Variants in GIPR observed in about 807,000 individuals in gnomAD.
The protein encoded by GIPR is GIP-R.
In GIPR, 74 loss-of-function variants were observed where a neutral mutation model predicts 62.2. That is an observed-to-expected ratio of 1.19 (90% confidence interval 0.99 to 1.44). The LOEUF (loss-of-function observed/expected upper bound fraction) is 1.44, where lower values mean the gene tolerates loss of function less well. Ranked by LOEUF, GIPR falls within the 40% of genes most tolerant of loss-of-function variation. The probability of loss-of-function intolerance (pLI) is 0.00; values close to 1 mark genes in which losing one functional copy is unlikely to be tolerated. For missense variants in GIPR, 664 were observed against 611.8 expected (o/e 1.09, Z -0.90); for synonymous variants, 256 against 262.2 (o/e 0.98, Z 0.23).
At chr19:45,674,652 G>T (rs776197214) in intron 6 of GIPR, 30 bp from the exon 7 acceptor site, 2 of 1,611,942 alleles carry the variant, frequency 1.2e-6, no homozygotes, top group Non-Finnish European at 1.7e-6. Context: ...CTCTCCAGGG[G>T]CCCCCACACT....
Position 45,674,713 on chromosome 19 carries a change from A to G in GIPR, c.520A>G (p.Ile174Val). The G allele has an allele frequency of 6.2e-7, 1 of 1,613,936 alleles. No individual in the cohort carries two copies. Among genetic ancestry groups the G allele is most frequent in the South Asian group, 1.1e-5 (1 of 91,062 alleles). ...RLHCTRNYIH[I>V]NLFTSFMLRA... ...ACATTGCACTAGAAACTATATCCAC[A>G]TCAACCTGTTCACGTCTTTCATGCT... The change falls in exon 7 of 14, where the codon ATC becomes GTC. Residue 174 changes from isoleucine to valine, a missense_variant. Coordinates refer to ENST00000590918, the MANE Select transcript of GIPR (RefSeq NM_000164.4).
chr19:45,669,186 G>C (rs2146060352), intron 1 of GIPR, among the ~76,000 whole-genome samples: 1 of 152,172 alleles, frequency 6.6e-6, no homozygotes, highest in South Asian at 2.1e-4. Context: ...GCAACCGCCC[G>C]CTCAGCAAAC....
rs769652113 is a variant in GIPR at position 45,678,007 on chromosome 19, G to T, written c.1013+13G>T. ...ATTACCGGCTGAGGTGAGGGCATGC[G>T]TTGGGGACCGAGGGGAAGGGGCCGG... On this transcript the variant is annotated intron_variant, in intron 11 of 13. Coordinates refer to ENST00000590918, the MANE Select transcript of GIPR (RefSeq NM_000164.4). The T allele has an allele frequency of 3.1e-6, 5 of 1,613,066 alleles. No individual in the cohort carries two copies. The highest frequency in any genetic ancestry group is 1.7e-6 in the Non-Finnish European group (2 of 1,180,000).
At position 45,671,860 on chromosome 19, in the gene GIPR, G is replaced by A. The variant is rs376345212; in HGVS notation, c.280+468G>A. Among the ~76,000 whole-genome samples, 37 of 151,762 alleles carry A rather than the reference G, an allele frequency of 2.4e-4. No homozygotes were observed. The South Asian group carries it at 7.7e-3, about 32-fold the overall frequency. On this transcript the variant is annotated intron_variant, in intron 4 of 13. Coordinates refer to ENST00000590918, the MANE Select transcript of GIPR (RefSeq NM_000164.4). The stretch of plus-strand genomic sequence containing the variant: ...TGGTCTCGAACTCCTAACCTCAAGT[G>A]ATCCGCCGGCCTTGGCTTCCCAAAG...
At position 45,670,689 on chromosome 19, in the gene GIPR, C is replaced by T; in HGVS notation, c.127C>T (p.Arg43Cys). ...GELYQRWERY[R>C]RECQETLAAA... ...GCTGTACCAGCGCTGGGAACGGTACCGCAGGGAGTGCCAGGAGACCTTGGC... is the reference window on the plus strand; with the variant it reads ...GCTGTACCAGCGCTGGGAACGGTACTGCAGGGAGTGCCAGGAGACCTTGGC... The change falls in exon 3 of 14, where the codon CGC becomes TGC. Residue 43 changes from arginine to cysteine, a missense_variant. Transcript: ENST00000590918. 2 of 1,612,996 alleles carry T rather than the reference C, an allele frequency of 1.2e-6. No homozygotes were observed. Among genetic ancestry groups the T allele is most frequent in the Non-Finnish European group, 1.7e-6 (2 of 1,179,686 alleles).
chr19:45,673,157 C>T (rs536163509), intron 5 of GIPR, among the ~76,000 whole-genome samples: 8 of 152,264 alleles, frequency 5.3e-5, no homozygotes, highest in Admixed American at 1.3e-4. Flanking sequence ...GTGTGGCTCA[C>T]GCCTGTAATC....
In GIPR at chr19:45,678,183, G is replaced by C; in HGVS notation, c.1109G>C (p.Arg370Pro). The C allele has an allele frequency of 6.3e-7, 1 of 1,591,314 alleles. No homozygotes were observed. Residue 370 changes from arginine (R) to proline (P), a missense_variant, in exon 12 of 14, where the codon CGC (arginine) becomes CCC (proline). Coordinates refer to ENST00000590918, the MANE Select transcript of GIPR (RefSeq NM_000164.4). ...VTEEQARGAL[R>P]FAKLGFEIFL... ...GAGGAACAGGCCCGGGGCGCCCTGC[G>C]CTTCGCCAAGCTCGGCTTTGAGATC...
chr19:45,669,511 C>G lies in GIPR; in HGVS notation c.-10C>G. On this transcript the variant is annotated 5_prime_UTR_variant, in exon 2 of 14. Coordinates refer to ENST00000590918, the MANE Select transcript of GIPR (RefSeq NM_000164.4). The stretch of plus-strand genomic sequence containing the variant: ...CCCCTGCACGAACCAGACCCTTCGC[C>G]GCCCTCACGATGACTACCTCTCCGA... 1 of 1,569,394 alleles carries G rather than the reference C, an allele frequency of 6.4e-7. No individual in the cohort carries two copies. The highest frequency in any genetic ancestry group is 8.6e-7 in the Non-Finnish European group (1 of 1,160,418).
intron 12 of GIPR, among the ~76,000 whole-genome samples, chr19:45,680,391 G>GT (rs1362726840): frequency 6.6e-6 from 1 of 151,828 alleles, no homozygotes; most frequent in African/African-American, 2.4e-5. Context: ...ACTTGGTGTG[G>GT]TGGTGCATGC....
intron 7 of GIPR, among the ~76,000 whole-genome samples, chr19:45,676,650 T>G (rs1246881903): frequency 6.6e-6 from 1 of 151,998 alleles, no homozygotes; most frequent in Non-Finnish European, 1.5e-5. Context: ...GCCAGGCTGG[T>G]CACCAACTCC....
intron 6 of GIPR, 181 bp from the exon 7 acceptor site, chr19:45,674,501 G>T: frequency 1.5e-6 from 1 of 661,328 alleles, no homozygotes. Flanking sequence ...AGCTATAGGG[G>T]GGCGCTGAGA....
chr19:45,680,977 GGAAA>G (rs1967195350), intron 12 of GIPR, among the ~76,000 whole-genome samples: 1 of 152,240 alleles, frequency 6.6e-6, no homozygotes, highest in South Asian at 2.1e-4. Context: ...TGCCCAAATG[GGAAA>G]GAAAGTGGAA....
At chr19:45,672,798 T>C (rs1975609992) in intron 4 of GIPR, 53 bp from the exon 5 acceptor site, 1 of 1,066,394 alleles carries the variant, frequency 9.4e-7, no homozygotes, top group East Asian at 2.4e-5. Flanking sequence ...TTTGTCTTTC[T>C]GTATTTATCT....
chr19:45,677,858 C>G, intron 10 of GIPR, 48 bp from the exon 11 acceptor site: 1 of 1,600,576 alleles, frequency 6.2e-7, no homozygotes. Flanking sequence ...TCCTCCTGCC[C>G]CTTCAGAATG....
At chr19:45,676,794 G>A (rs1966951394) in intron 7 of GIPR, among the ~76,000 whole-genome samples, 155 bp from the exon 8 acceptor site, 1 of 152,168 alleles carries the variant, frequency 6.6e-6, no homozygotes, top group Non-Finnish European at 1.5e-5. Context: ...GGAATAGGGT[G>A]AGAGAAACCA....
At chr19:45,670,855 G>A (rs1294848977) in intron 3 of GIPR, 121 bp downstream of exon 3, 8 of 661,016 alleles carry the variant, frequency 1.2e-5, no homozygotes, top group Non-Finnish European at 2.1e-5. Flanking sequence ...GGAGAGGCCC[G>A]GGGACTGACC....
intron 7 of GIPR, among the ~76,000 whole-genome samples, chr19:45,676,503 G>A (rs2146090720): frequency 7.9e-6 from 1 of 126,936 alleles, no homozygotes; most frequent in East Asian, 2.6e-4. Flanking sequence ...GTGCAATCTC[G>A]GCTCACCGCA....
At chr19:45,678,639 A>G (rs768690429) in intron 12 of GIPR, among the ~76,000 whole-genome samples, 1 of 152,206 alleles carries the variant, frequency 6.6e-6, no homozygotes, top group Non-Finnish European at 1.5e-5. Flanking sequence ...CTGGGATTAC[A>G]GGCGTGAGCC....
Position 45,674,732 on chromosome 19 carries a change from T to C in GIPR, c.539T>C (p.Phe180Ser). Residue 180 changes from phenylalanine to serine, a missense_variant, in exon 7 of 14, where the codon TTC becomes TCC. Coordinates refer to ENST00000590918, the MANE Select transcript of GIPR (RefSeq NM_000164.4). ...NYIHINLFTS[F>S]MLRAAAILSR... is the part of the protein sequence containing the mutation. ...ATCCACATCAACCTGTTCACGTCTT[T>C]CATGCTGCGAGCTGCGGCCATTCTC... The C allele has an allele frequency of 6.2e-7, 1 of 1,614,084 alleles. No homozygotes were observed. Among genetic ancestry groups the C allele is most frequent in the East Asian group, 2.2e-5 (1 of 44,872 alleles).
Sources: gnomAD v4.1 joint callset for allele counts (sites outside exome capture counted in the v4.1 genomes callset) on GRCh38, gnomAD v4.1.1 for gene constraint, MANE v1.5 for transcripts, NCBI Gene and HGNC (gene_info 2026-07-23, HGNC 2026-07-21) for gene names.